SLC13A1: variants seen among roughly 807,000 people sequenced by gnomAD.
The protein encoded by SLC13A1 is solute carrier family 13 member 1, also known as Na(+)/sulfate cotransporter.
SLC13A1 carries 65 observed loss-of-function variants against 70.0 expected under a neutral mutation model. The ratio of observed to expected loss-of-function variants is 0.93; its 90% CI spans 0.76 to 1.14. The LOEUF (loss-of-function observed/expected upper bound fraction) is 1.14. SLC13A1 is among the 50% of genes most tolerant of loss of function. The probability of loss-of-function intolerance (pLI) is 0.00; values close to 1 mark genes in which losing one functional copy is unlikely to be tolerated. For synonymous variants in SLC13A1, 275 were observed against 250.5 expected (o/e 1.10, Z -0.92); for missense variants, 726 against 717.8 (o/e 1.01, Z -0.13).
intron 7 of SLC13A1, among the ~76,000 whole-genome samples, chr7:123,136,778 G>T (rs1793961879): frequency 6.6e-6 from 1 of 152,152 alleles, no homozygotes; most frequent in South Asian, 2.1e-4. Flanking sequence ...AAAGTGATTG[G>T]GGAAGGGGGA....
chr7:123,188,441 G>T (rs559323286), intron 1 of SLC13A1, among the ~76,000 whole-genome samples: 2 of 151,918 alleles, frequency 1.3e-5, no homozygotes, highest in African/African-American at 4.8e-5. Flanking sequence ...CACCATCCTT[G>T]GTATATGGGA....
At chr7:123,192,890 A>C (rs1270593163) in intron 1 of SLC13A1, among the ~76,000 whole-genome samples, 1 of 152,178 alleles carries the variant, frequency 6.6e-6, no homozygotes, top group Non-Finnish European at 1.5e-5. Flanking sequence ...GTCAAGGAGA[A>C]ATAACTAGAT....
intron 6 of SLC13A1, among the ~76,000 whole-genome samples, chr7:123,158,854 C>G (rs1382113263): frequency 4.6e-5 from 7 of 152,066 alleles, no homozygotes; most frequent in Middle Eastern, 3.4e-3. Flanking sequence ...AAACATGTTT[C>G]AAGAATTATA....
At chr7:123,145,574 A>G (rs1794322142) in intron 7 of SLC13A1, among the ~76,000 whole-genome samples, 1 of 152,230 alleles carries the variant, frequency 6.6e-6, no homozygotes, top group African/African-American at 2.4e-5. Context: ...AGTCATTTTC[A>G]AAAAGATGTC....
At chr7:123,135,474 A>G (rs1365452801) in intron 7 of SLC13A1, among the ~76,000 whole-genome samples, 3 of 152,178 alleles carry the variant, frequency 2.0e-5, no homozygotes, top group African/African-American at 7.2e-5. Flanking sequence ...ACAAAGATAT[A>G]CAGAAGTAAT....
intron 11 of SLC13A1, among the ~76,000 whole-genome samples, chr7:123,125,183 C>G (rs1421053863): frequency 6.6e-6 from 1 of 152,130 alleles, no homozygotes; most frequent in Non-Finnish European, 1.5e-5. Context: ...TCTTGAAATT[C>G]ATCACCTTTT....
At chr7:123,127,838 ATTT>A (rs201644707) in intron 10 of SLC13A1, among the ~76,000 whole-genome samples, 3,077 of 106,622 alleles carry the variant, frequency 0.029, 70 homozygotes, top group African/African-American at 0.12. Context: ...CCAAAATACA[ATTT>A]TTTTTTTTTT....
chr7:123,183,520 T>C (rs1324793645), intron 1 of SLC13A1, among the ~76,000 whole-genome samples: 1 of 152,166 alleles, frequency 6.6e-6, no homozygotes, highest in Non-Finnish European at 1.5e-5. Context: ...AAAGGTTGCC[T>C]ATTTGCTCCG....
chr7:123,190,369 C>A (rs1795954171), intron 1 of SLC13A1: 1 of 335,006 alleles, frequency 3.0e-6, no homozygotes, highest in Non-Finnish European at 5.9e-6. Flanking sequence ...GACAAGGCTA[C>A]CTCAGATGCA....
chr7:123,187,647 G>T (rs1453500367), intron 1 of SLC13A1, among the ~76,000 whole-genome samples: 3 of 151,972 alleles, frequency 2.0e-5, no homozygotes, highest in Non-Finnish European at 4.4e-5. Context: ...ATAACAAGTG[G>T]TTTTAAAATT....
chr7:123,132,989 A>C (rs900630592), intron 8 of SLC13A1, among the ~76,000 whole-genome samples: 5 of 152,162 alleles, frequency 3.3e-5, no homozygotes, highest in African/African-American at 1.2e-4. Flanking sequence ...GTTGTCTTTG[A>C]ATGCATGTAT....
intron 7 of SLC13A1, among the ~76,000 whole-genome samples, chr7:123,135,251 A>G (rs1300238370): frequency 2.0e-5 from 3 of 152,204 alleles, no homozygotes; most frequent in Non-Finnish European, 4.4e-5. Context: ...AACTCACATA[A>G]TAACTCAACA....
intron 12 of SLC13A1, among the ~76,000 whole-genome samples, chr7:123,119,463 G>T (rs566321095): frequency 4.6e-5 from 7 of 152,002 alleles, no homozygotes; most frequent in Admixed American, 2.6e-4. Flanking sequence ...TAGAAAGTTT[G>T]AAATGTATTA....
In SLC13A1 at chr7:123,189,005, C is replaced by T. The variant is rs1462302335; in HGVS notation, c.100-7904G>A. ...TGGCGGGCGCCTGTAGTCCCAGCTACTTGGGAGGCTGAGGCAGGAGAATGG... is the reference window on the plus strand; with the variant it reads ...TGGCGGGCGCCTGTAGTCCCAGCTATTTGGGAGGCTGAGGCAGGAGAATGG... On this transcript the variant is annotated intron_variant, in intron 1 of 14. Transcript: ENST00000194130. Among the ~76,000 whole-genome samples the T allele has an allele frequency of 3.6e-4, 53 of 145,254 alleles. 1 individual carries two copies. The highest frequency in any genetic ancestry group is 1.3e-3 in the African/African-American group (53 of 39,504).
At chr7:123,152,094 C>T (rs548289309) in intron 6 of SLC13A1, among the ~76,000 whole-genome samples, 12 of 152,116 alleles carry the variant, frequency 7.9e-5, no homozygotes, top group East Asian at 3.9e-4. Flanking sequence ...CTTTTGTCTT[C>T]TTGTGTTTGT....
chr7:123,131,301 T>C (rs1317626), intron 8 of SLC13A1, among the ~76,000 whole-genome samples: 92,177 of 151,912 alleles, frequency 0.61, 28,180 homozygotes, highest in African/African-American at 0.67. Flanking sequence ...CTAATTAATG[T>C]GCCACCTAGA....
intron 6 of SLC13A1, among the ~76,000 whole-genome samples, chr7:123,150,684 C>T (rs1794524101): frequency 6.6e-6 from 1 of 152,084 alleles, no homozygotes; most frequent in Non-Finnish European, 1.5e-5. Context: ...CAATAGGAAC[C>T]TTTCAATCTC....
intron 2 of SLC13A1, 92 bp from the exon 3 acceptor site, chr7:123,171,996 A>T: frequency 8.7e-7 from 1 of 1,148,640 alleles, no homozygotes; most frequent in South Asian, 1.5e-5. Flanking sequence ...CTTAATTTTG[A>T]CCTTCAACCG....
At chr7:123,160,069 G>C (rs1794837536) in intron 6 of SLC13A1, among the ~76,000 whole-genome samples, 1 of 151,918 alleles carries the variant, frequency 6.6e-6, no homozygotes, top group Non-Finnish European at 1.5e-5. Flanking sequence ...GAATTATGAG[G>C]TCAGGAGTTC....
Sources: allele counts gnomAD v4.1 joint callset (sites outside exome capture counted in the v4.1 genomes callset), GRCh38; gene constraint gnomAD v4.1.1; transcripts MANE v1.5; gene names NCBI Gene and HGNC (gene_info 2026-07-23, HGNC 2026-07-21).